MGAT5: variants seen among roughly 807,000 people sequenced by gnomAD.
The protein encoded by MGAT5 is alpha-1,6-mannosylglycoprotein 6-beta-N-acetylglucosaminyltransferase A.
MGAT5 carries 30 observed loss-of-function variants against 94.3 expected under a neutral mutation model. That is an observed-to-expected ratio of 0.32 (90% CI 0.24 to 0.43). The LOEUF is 0.43. MGAT5 is among the 20% of genes least tolerant of loss of function. The pLI is 1.00. For synonymous variants in MGAT5, 310 were observed against 322.9 expected (o/e 0.96, Z 0.43); for missense variants, 691 against 905.5 (o/e 0.76, Z 3.04).
chr2:134,137,674 GAAT>G, intron 1 of MGAT5, among the ~76,000 whole-genome samples: 1 of 151,986 alleles, frequency 6.6e-6, no homozygotes, highest in Non-Finnish European at 1.5e-5. Flanking sequence ...AAGATAATGG[GAAT>G]AATAATTTTT....
chr2:134,235,151 G>C (rs1681569264), intron 1 of MGAT5, among the ~76,000 whole-genome samples: 1 of 152,132 alleles, frequency 6.6e-6, no homozygotes, highest in Non-Finnish European at 1.5e-5. Context: ...TGCCCTATCA[G>C]AGGGGTGCCT....
intron 2 of MGAT5, among the ~76,000 whole-genome samples, chr2:134,286,969 G>A (rs1685048519): frequency 6.6e-6 from 1 of 152,168 alleles, no homozygotes; most frequent in Non-Finnish European, 1.5e-5. Flanking sequence ...CCTGTGCCTG[G>A]TGTGGACCAC....
At chr2:134,360,660 G>A (rs562403115) in intron 9 of MGAT5, among the ~76,000 whole-genome samples, 4 of 152,284 alleles carry the variant, frequency 2.6e-5, no homozygotes, top group African/African-American at 7.2e-5. Flanking sequence ...CACTGAGAAT[G>A]CACACAGGTT....
intron 1 of MGAT5, among the ~76,000 whole-genome samples, chr2:134,156,259 A>G (rs137925458): frequency 3.9e-4 from 60 of 152,328 alleles, no homozygotes; most frequent in Non-Finnish European, 7.2e-4. Flanking sequence ...CTCAAACCGT[A>G]GTGTGCATCA....
In MGAT5 at chr2:134,451,665, G is replaced by GT. The variant is rs1247053052; in HGVS notation, c.*2823dup. Reference sequence around the variant, plus strand: ...AGAGAAATCCTAAGTTATGATTAATGTTTTTCCCCGCTATAATATCTTGCC... The same window carrying GT: ...AGAGAAATCCTAAGTTATGATTAATGTTTTTTCCCCGCTATAATATCTTGCC... On this transcript the variant is annotated 3_prime_UTR_variant, in exon 16 of 16. Transcript: ENST00000281923. 2.0e-5 allele frequency: 3 copies of GT among 152,178 alleles called. No homozygotes were observed. Among genetic ancestry groups the GT allele is most frequent in the African/African-American group, 7.2e-5 (3 of 41,448 alleles). 9.4% of individuals were successfully genotyped at this position (152,178 alleles called of 1,614,324 possible).
rs757586466 is a variant in MGAT5 at position 134,362,421 on chromosome 2, G to A, written c.1380+13G>A. 1.2e-6 allele frequency: 2 copies of A among 1,608,814 alleles called. No individual in the cohort carries two copies. The highest frequency in any genetic ancestry group is 1.7e-6 in the Non-Finnish European group (2 of 1,178,366). On this transcript the variant is annotated intron_variant, in intron 10 of 15. Coordinates refer to ENST00000281923, the MANE Select transcript of MGAT5 (RefSeq NM_002410.5). The stretch of plus-strand genomic sequence containing the variant: ...TAGCTTCTGGAAGGTGAGTCAGTCT[G>A]TGCGTGTCTCTCTCTCTGAAAAGAA...
Position 134,362,321 on chromosome 2 carries a change from C to A in MGAT5, c.1293C>A (p.His431Gln), listed in dbSNP as rs761359150. Residue 431 changes from histidine to glutamine, a missense_variant, in exon 10 of 16, where the codon CAC becomes CAA. Around this residue, in one of 4 missense-constraint regions of MGAT5, gnomAD observed 121 missense variants for 206.1 expected, o/e 0.59. Transcript: ENST00000281923. ...NSFLGFVVEQ[H>Q]LNSSDIHHIN... is the part of the protein sequence containing the mutation. ...TTCTGGGGTTTGTGGTTGAGCAGCACCTGAACTCCAGTGATATCCACCACA... is the reference window on the plus strand; with the variant it reads ...TTCTGGGGTTTGTGGTTGAGCAGCAACTGAACTCCAGTGATATCCACCACA... The A allele has an allele frequency of 3.5e-5, 57 of 1,614,056 alleles. No homozygotes were observed. In the East Asian group the frequency reaches 1.1e-3, roughly 31 times the overall value.
chr2:134,319,828 G>T, intron 4 of MGAT5: 2 of 332,642 alleles, frequency 6.0e-6, no homozygotes, highest in East Asian at 1.0e-4. Flanking sequence ...CATGTCTATA[G>T]CAGTCATCCC....
intron 1 of MGAT5, among the ~76,000 whole-genome samples, chr2:134,130,202 G>GCCCCGCCCCGCCCCGCCCCA (rs1558947453): frequency 1.4e-5 from 1 of 70,878 alleles, no homozygotes; most frequent in East Asian, 4.7e-4. Flanking sequence ...GCTGGAGCCC[G>GCCCCGCCCCGCCCCGCCCCA]CCCCGCCCCA....
intron 1 of MGAT5, among the ~76,000 whole-genome samples, chr2:134,197,718 T>TAAATC (rs1679566817): frequency 6.6e-6 from 1 of 152,226 alleles, no homozygotes. Flanking sequence ...CAAGACAGTT[T>TAAATC]AGTTTCCTTT....
chr2:134,122,731 C>T (rs559588049), intron 1 of MGAT5, among the ~76,000 whole-genome samples: 1 of 152,214 alleles, frequency 6.6e-6, no homozygotes, highest in African/African-American at 2.4e-5. Flanking sequence ...CTGGGACACT[C>T]GTGACTGGAG....
chr2:134,406,977 T>G (rs1353890177), intron 11 of MGAT5, among the ~76,000 whole-genome samples: 1 of 152,170 alleles, frequency 6.6e-6, no homozygotes, highest in African/African-American at 2.4e-5. Context: ...GCTTGTTCTA[T>G]CCACAGGTGC....
At chr2:134,156,083 A>C (rs1004006257) in intron 1 of MGAT5, among the ~76,000 whole-genome samples, 1 of 152,178 alleles carries the variant, frequency 6.6e-6, no homozygotes, top group Admixed American at 6.5e-5. Flanking sequence ...GACGTCCAGC[A>C]GCACACAACG....
intron 14 of MGAT5, among the ~76,000 whole-genome samples, chr2:134,429,717 T>C (rs62170038): frequency 0.096 from 14,642 of 152,314 alleles, 746 homozygotes; most frequent in Middle Eastern, 0.15. Flanking sequence ...ATTATTTGGT[T>C]TCACGAGAAA....
intron 1 of MGAT5, among the ~76,000 whole-genome samples, chr2:134,158,738 G>A (rs1324502518): frequency 2.0e-5 from 3 of 152,166 alleles, no homozygotes; most frequent in Non-Finnish European, 2.9e-5. Context: ...CTACAGCAGC[G>A]GCTGCTCCAT....
intron 1 of MGAT5, among the ~76,000 whole-genome samples, chr2:134,130,204 C>CCTGCCCCACACCGCCCCACA (rs1686068390): frequency 3.1e-4 from 19 of 60,396 alleles, no homozygotes; most frequent in Non-Finnish European, 1.0e-4. Context: ...TGGAGCCCGC[C>CCTGCCCCACACCGCCCCACA]CCGCCCCACA....
At chr2:134,198,914 G>A (rs1318376197) in intron 1 of MGAT5, among the ~76,000 whole-genome samples, 1 of 152,066 alleles carries the variant, frequency 6.6e-6, no homozygotes, top group Non-Finnish European at 1.5e-5. Context: ...GTATAAAAGA[G>A]GCCAAAGTTT....
intron 1 of MGAT5, among the ~76,000 whole-genome samples, chr2:134,120,619 C>T (rs987936111): frequency 2.6e-5 from 4 of 151,876 alleles, no homozygotes; most frequent in African/African-American, 9.7e-5. Context: ...AGGGACAGTC[C>T]AAAGGAAGCT....
In MGAT5 at chr2:134,264,722, A is replaced by G. The variant is rs78068303; in HGVS notation, c.242-5664A>G. Among the ~76,000 whole-genome samples the G allele has an allele frequency of 6.8e-3, 1,036 of 152,336 alleles. 15 individuals are homozygous for G. Among genetic ancestry groups the G allele is most frequent in the African/African-American group, 0.024 (979 of 41,578 alleles). On this transcript the variant is annotated intron_variant, in intron 1 of 15. Coordinates refer to ENST00000281923, the MANE Select transcript of MGAT5 (RefSeq NM_002410.5). ...TGAAACTTGACATTCCTGACAGTCA[A>G]TGGAAATAAGAGGTTGAGGTTAATT...
Sources: gnomAD v4.1 joint callset for allele counts (sites outside exome capture counted in the v4.1 genomes callset) on GRCh38, gnomAD v4.1.1 for gene constraint, gnomAD v4.1.1 regional missense constraint, MANE v1.5 for transcripts, NCBI Gene and HGNC (gene_info 2026-07-23, HGNC 2026-07-21) for gene names.